UGT1A7: variants seen among roughly 807,000 people sequenced by gnomAD.
UGT1A7 encodes the protein UDP glucuronosyltransferase family 1 member A7, also known as UDP-glucuronosyltransferase 1A7.
A neutral mutation model predicts 45.6 loss-of-function variants in UGT1A7; 33 were observed. The observed-to-expected ratio is 0.72, with a 90% CI of 0.55 to 0.97. The LOEUF (loss-of-function observed/expected upper bound fraction) is 0.97, where lower values mean the gene tolerates loss of function less well. Ranked by LOEUF, UGT1A7 falls within the 50% of genes least tolerant of loss-of-function variation. The pLI, the probability that UGT1A7 is intolerant of heterozygous loss-of-function variation, is 0.00. For synonymous variants in UGT1A7, 274 were observed against 250.6 expected (o/e 1.09, Z -0.88); for missense variants, 684 against 666.2 (o/e 1.03, Z -0.29).
intron 1 of UGT1A7, chr2:233,690,989 C>G (rs2075024416): frequency 2.0e-6 from 2 of 994,596 alleles, no homozygotes; most frequent in Admixed American, 1.2e-4. Context: ...CACATATGAG[C>G]AACAGGATTT....
intron 1 of UGT1A7, among the ~76,000 whole-genome samples, chr2:233,757,212 T>G (rs1174758514): frequency 1.4e-5 from 2 of 147,276 alleles, no homozygotes; most frequent in Admixed American, 1.4e-4. Context: ...CCCAGGAAGC[T>G]GCTGACCAAG....
At chr2:233,702,197 A>T (rs187320668) in intron 1 of UGT1A7, among the ~76,000 whole-genome samples, 21 of 152,306 alleles carry the variant, frequency 1.4e-4, no homozygotes, top group Admixed American at 4.6e-4. Flanking sequence ...AGCCCCTGGC[A>T]GCCATTAATC....
intron 1 of UGT1A7, among the ~76,000 whole-genome samples, chr2:233,734,862 C>T (rs1280168224): frequency 6.6e-6 from 1 of 152,224 alleles, no homozygotes; most frequent in Admixed American, 6.5e-5. Flanking sequence ...AATTTGACTG[C>T]ACTATGGTCT....
At chr2:233,740,749 G>A (rs1056795569) in intron 1 of UGT1A7, 15 of 151,730 alleles carry the variant, frequency 9.9e-5, no homozygotes, top group African/African-American at 3.7e-4. Context: ...TTTACACTCT[G>A]AAAACCTTAT....
At chr2:233,760,517 A>C in intron 1 of UGT1A7, 1 of 1,614,264 alleles carries the variant, frequency 6.2e-7, no homozygotes, top group Non-Finnish European at 8.5e-7. Context: ...TACACCTTGA[A>C]GACGTACCCT....
chr2:233,700,873 TCC>T (rs1228589986), intron 1 of UGT1A7, among the ~76,000 whole-genome samples: 1 of 147,556 alleles, frequency 6.8e-6, no homozygotes, highest in Non-Finnish European at 1.5e-5. Flanking sequence ...CCCTCCCTCC[TCC>T]CCCCACCCCA....
intron 1 of UGT1A7, among the ~76,000 whole-genome samples, chr2:233,710,566 G>T (rs1422927830): frequency 6.6e-6 from 1 of 152,066 alleles, no homozygotes; most frequent in Non-Finnish European, 1.5e-5. Context: ...CTTTTAAAAG[G>T]TGCCCTTTCA....
chr2:233,718,923 C>G, intron 1 of UGT1A7: 1 of 1,614,082 alleles, frequency 6.2e-7, no homozygotes, highest in Admixed American at 1.7e-5. Context: ...GTTGGTGGTG[C>G]CCACTGATGG....
In UGT1A7 at chr2:233,769,970, G is replaced by A. The variant is rs1018671340; in HGVS notation, c.1295+1531G>A. On this transcript the variant is annotated intron_variant, in intron 4 of 4. Coordinates refer to ENST00000373426, the MANE Select transcript of UGT1A7 (RefSeq NM_019077.3). The surrounding 1 kb of genome is among the most constrained non-coding windows in gnomAD (Gnocchi z 4.4). ...AGCGGCTTCTTCTGGCCACCTCAAT[G>A]TCAGGATGTCCTGCTCACATATCAA... 2.9e-5 allele frequency: 6 copies of A among 208,668 alleles called. No individual in the cohort carries two copies. The highest frequency in any genetic ancestry group is 2.2e-4 in the South Asian group (2 of 9,026). The allele number at this position is 208,668 out of a possible 1,614,324, so 12.9% of individuals were successfully genotyped here.
intron 1 of UGT1A7, among the ~76,000 whole-genome samples, chr2:233,734,101 T>TATA (rs549143261): frequency 0.029 from 4,376 of 151,364 alleles, 190 homozygotes; most frequent in African/African-American, 0.094. Flanking sequence ...AAACTTAAAG[T>TATA]ATAATAATAA....
At chr2:233,772,069 T>A (rs2126064958) in intron 4 of UGT1A7, among the ~76,000 whole-genome samples, 193 bp from the exon 5 acceptor site, 1 of 152,274 alleles carries the variant, frequency 6.6e-6, no homozygotes, top group East Asian at 1.9e-4. Context: ...GCCATGCTTG[T>A]GCCACTACAC....
chr2:233,745,820 G>A (rs894778963), intron 1 of UGT1A7, among the ~76,000 whole-genome samples: 23 of 151,370 alleles, frequency 1.5e-4, no homozygotes, highest in African/African-American at 5.1e-4. Context: ...TGAGAGCAAG[G>A]CAGAGGACTC....
chr2:233,718,430 G>A (rs972830919), intron 1 of UGT1A7, among the ~76,000 whole-genome samples: 1 of 152,312 alleles, frequency 6.6e-6, no homozygotes, highest in Admixed American at 6.5e-5. Context: ...CATGTGGTTG[G>A]GGACTAGGGC....
intron 1 of UGT1A7, among the ~76,000 whole-genome samples, chr2:233,734,944 A>G (rs2125789898): frequency 6.6e-6 from 1 of 152,282 alleles, no homozygotes; most frequent in Middle Eastern, 3.4e-3. Context: ...TCATATGGTC[A>G]GTTTTAGAAT....
chr2:233,735,900 C>T (rs1272408320), intron 1 of UGT1A7, among the ~76,000 whole-genome samples: 5 of 152,014 alleles, frequency 3.3e-5, no homozygotes, highest in African/African-American at 9.7e-5. Flanking sequence ...GATGGGCTTC[C>T]CTTTGTGGGT....
chr2:233,764,106 T>G (rs966057827), intron 1 of UGT1A7, among the ~76,000 whole-genome samples: 1 of 152,214 alleles, frequency 6.6e-6, no homozygotes, highest in Non-Finnish European at 1.5e-5. Flanking sequence ...AAATACAAAA[T>G]TCTTGGTAAA....
intron 1 of UGT1A7, among the ~76,000 whole-genome samples, chr2:233,695,417 C>G (rs552700475): frequency 3.1e-4 from 44 of 142,032 alleles, no homozygotes; most frequent in Admixed American, 2.1e-4. Flanking sequence ...AGCTACCGCG[C>G]CCGGCCTTCT....
chr2:233,705,733 G>A (rs931204159), intron 1 of UGT1A7, among the ~76,000 whole-genome samples: 1 of 152,162 alleles, frequency 6.6e-6, no homozygotes, highest in Admixed American at 6.5e-5. Flanking sequence ...AATACCCTGA[G>A]CAGGTAGGTC....
At chr2:233,758,820 C>T (rs1028156613) in intron 1 of UGT1A7, among the ~76,000 whole-genome samples, 2 of 152,084 alleles carry the variant, frequency 1.3e-5, no homozygotes, top group African/African-American at 4.8e-5. Context: ...GCAGTATATC[C>T]CCCCCAAAAA....
Sources: allele counts gnomAD v4.1 joint callset (sites outside exome capture counted in the v4.1 genomes callset), GRCh38; gene constraint gnomAD v4.1.1; non-coding constraint Gnocchi (gnomAD v3.1); transcripts MANE v1.5; gene names NCBI Gene and HGNC (gene_info 2026-07-23, HGNC 2026-07-21).